Variants in PSAT1 observed in about 807,000 individuals in gnomAD.
PSAT1 encodes phosphoserine aminotransferase 1, also known as phosphoserine aminotransferase.
A neutral mutation model predicts 40.3 loss-of-function variants in PSAT1; 41 were observed. The observed-to-expected ratio is 1.02, with a 90% CI of 0.79 to 1.32. The LOEUF (loss-of-function observed/expected upper bound fraction) is 1.32. Among genes scored for constraint, PSAT1 ranks in the 40% most tolerant of loss-of-function variants. The pLI is 0.00. For missense variants in PSAT1, 406 were observed against 455.8 expected, an observed-to-expected ratio of 0.89 and a Z score of 0.99; for synonymous variants, 147 against 170.5, an observed-to-expected ratio of 0.86 and a Z score of 1.07.
chr9:78,302,733 CAAAAAAAAAAAA>C, intron 3 of PSAT1, among the ~76,000 whole-genome samples: 1 of 104,214 alleles, frequency 9.6e-6, no homozygotes, highest in East Asian at 2.8e-4. Context: ...GACTCCGTCT[CAAAAAAAAAAAA>C]AAAAAAAAAA....
chr9:78,306,915 G>C (rs911580218), intron 5 of PSAT1, among the ~76,000 whole-genome samples: 2 of 152,226 alleles, frequency 1.3e-5, no homozygotes, highest in African/African-American at 4.8e-5. Flanking sequence ...GCCAAGGCAG[G>C]GCAGTGGGAC....
In PSAT1 at chr9:78,300,890, T is replaced by A. The variant is rs189835772; in HGVS notation, c.121+228T>A. Among the ~76,000 whole-genome samples the A allele has an allele frequency of 4.6e-5, 7 of 152,012 alleles. No homozygotes were observed. In the East Asian group the frequency reaches 5.8e-4, roughly 13 times the overall value. Reference sequence around the variant, plus strand: ...ATCACCACACCTGGCTAATTTTTTTTAAATGTTTAAAACATTTTTTAAAGA... The same window carrying A: ...ATCACCACACCTGGCTAATTTTTTTAAAATGTTTAAAACATTTTTTAAAGA... On this transcript the variant is annotated intron_variant, in intron 2 of 8. Coordinates refer to ENST00000376588, the MANE Select transcript of PSAT1 (RefSeq NM_058179.4).
intron 6 of PSAT1, among the ~76,000 whole-genome samples, chr9:78,309,481 G>T (rs985339630): frequency 6.6e-6 from 1 of 152,198 alleles, no homozygotes; most frequent in African/African-American, 2.4e-5. Flanking sequence ...TCCTGCCTCA[G>T]CCTCCCGAGT....
At chr9:78,314,031 C>A (rs1828304797) in intron 6 of PSAT1, among the ~76,000 whole-genome samples, 1 of 152,186 alleles carries the variant, frequency 6.6e-6, no homozygotes, top group South Asian at 2.1e-4. Context: ...GAGTTAGGAA[C>A]CCTATCCTGT....
At chr9:78,305,433 A>G (rs1256548362) in intron 4 of PSAT1, among the ~76,000 whole-genome samples, 1 of 152,168 alleles carries the variant, frequency 6.6e-6, no homozygotes, top group Non-Finnish European at 1.5e-5. Flanking sequence ...CTCTTCTTGC[A>G]GAAGCTAGTC....
intron 3 of PSAT1, among the ~76,000 whole-genome samples, chr9:78,302,733 CAA>C (rs373285782): frequency 1.1e-4 from 11 of 104,218 alleles, no homozygotes; most frequent in African/African-American, 2.0e-4. Flanking sequence ...GACTCCGTCT[CAA>C]AAAAAAAAAA....
intron 3 of PSAT1, among the ~76,000 whole-genome samples, chr9:78,303,096 A>G (rs997906947): frequency 2.6e-5 from 4 of 152,206 alleles, no homozygotes; most frequent in African/African-American, 7.2e-5. Flanking sequence ...CTAAACTGAA[A>G]TTAACTTTAA....
At chr9:78,308,736 A>G (rs1257304130) in intron 6 of PSAT1, among the ~76,000 whole-genome samples, 153 bp downstream of exon 6, 3 of 152,182 alleles carry the variant, frequency 2.0e-5, no homozygotes, top group African/African-American at 7.2e-5. Flanking sequence ...TGGATGGACC[A>G]CTTGAGGTCA....
chr9:78,319,891 G>A (rs1381019609), intron 7 of PSAT1, among the ~76,000 whole-genome samples: 1 of 152,114 alleles, frequency 6.6e-6, no homozygotes, highest in Non-Finnish European at 1.5e-5. Context: ...GTCCGTGGAA[G>A]TGTGTGAGGG....
chr9:78,299,504 T>TA lies in PSAT1; in HGVS notation c.61-1096dup, dbSNP rs397767164. On this transcript the variant is annotated intron_variant, in intron 1 of 8. Coordinates refer to ENST00000376588, the MANE Select transcript of PSAT1 (RefSeq NM_058179.4). Reference sequence around the variant, plus strand: ...CCAGTCGTCAAGGCAGTCTTTTTTTTAATCTAATTCTTTTTTTTTTTTTTT... The same window carrying TA: ...CCAGTCGTCAAGGCAGTCTTTTTTTTAAATCTAATTCTTTTTTTTTTTTTTT... 5.0e-3 allele frequency among the ~76,000 whole-genome samples: 712 copies of TA among 143,056 alleles called. 7 individuals carry two copies. The highest frequency in any genetic ancestry group is 0.017 in the South Asian group (76 of 4,432). 93.9% of individuals were successfully genotyped at this position (143,056 alleles called of 152,430 possible).
intron 1 of PSAT1, among the ~76,000 whole-genome samples, chr9:78,298,567 A>G (rs908925155): frequency 6.6e-6 from 1 of 151,620 alleles, no homozygotes; most frequent in Non-Finnish European, 1.5e-5. Flanking sequence ...CTCCTCCTGC[A>G]CCCCCCATGT....
chr9:78,307,878 A>G (rs1027408731), intron 5 of PSAT1, among the ~76,000 whole-genome samples: 1 of 152,070 alleles, frequency 6.6e-6, no homozygotes, highest in East Asian at 1.9e-4. Context: ...CGTCTTTACT[A>G]AAAATACAAA....
At chr9:78,313,534 A>C (rs1828297065) in intron 6 of PSAT1, among the ~76,000 whole-genome samples, 1 of 152,242 alleles carries the variant, frequency 6.6e-6, no homozygotes, top group Non-Finnish European at 1.5e-5. Flanking sequence ...ATGCAAATGG[A>C]ACTTGAACTT....
At chr9:78,311,828 T>TCAAAACAAAAAC (rs201165450) in intron 6 of PSAT1, among the ~76,000 whole-genome samples, 6,786 of 151,046 alleles carry the variant, frequency 0.045, 317 homozygotes, top group African/African-American at 0.11. Context: ...TGAGACTGTC[T>TCAAAACAAAAAC]GAAAACAAAA....
intron 1 of PSAT1, among the ~76,000 whole-genome samples, chr9:78,298,726 GC>G (rs1335532662): frequency 1.3e-5 from 2 of 152,092 alleles, no homozygotes; most frequent in Non-Finnish European, 2.9e-5. Context: ...AACCTGGGGG[GC>G]AGGAGGGTGA....
At chr9:78,321,585 T>C (rs956553215) in intron 7 of PSAT1, among the ~76,000 whole-genome samples, 4 of 152,014 alleles carry the variant, frequency 2.6e-5, no homozygotes, top group African/African-American at 9.7e-5. Flanking sequence ...CTCCTTAACA[T>C]AGTTCCAGGT....
rs1316766861 is a variant in PSAT1 at position 78,329,310 on chromosome 9, T to C, written c.*224T>C. Reference sequence around the variant, plus strand: ...CTTGAACTGGAAGCATTTTAAGAAATCTTGTTGCTTTTCTAACAAATTCCC... The same window carrying C: ...CTTGAACTGGAAGCATTTTAAGAAACCTTGTTGCTTTTCTAACAAATTCCC... On this transcript the variant is annotated 3_prime_UTR_variant, in exon 9 of 9. Coordinates refer to ENST00000376588, the MANE Select transcript of PSAT1 (RefSeq NM_058179.4). 3.7e-6 allele frequency: 2 copies of C among 541,106 alleles called. No homozygotes were observed. The highest frequency in any genetic ancestry group is 4.3e-5 in the South Asian group (2 of 46,702). 33.5% of individuals were successfully genotyped at this position (541,106 alleles called of 1,614,324 possible). A position where few individuals can be genotyped will look rare whatever the true frequency, so the allele number is the denominator to read the frequency against.
intron 1 of PSAT1, among the ~76,000 whole-genome samples, chr9:78,298,991 T>A (rs945626830): frequency 1.3e-5 from 2 of 151,914 alleles, no homozygotes; most frequent in African/African-American, 4.8e-5. Context: ...AAATTAGTCG[T>A]GAGCTGGGTG....
rs12348970 is a variant in PSAT1, at chr9:78,323,427, A to T, written c.870-4624A>T. Among the ~76,000 whole-genome samples the T allele has an allele frequency of 1.6e-3, 244 of 151,990 alleles. 1 individual carries two copies. The highest frequency in any genetic ancestry group is 4.9e-3 in the African/African-American group (201 of 41,386). ...TCTCTACAAATAATAATAATAATAA[A>T]AAATTAGCCGGGTGTGGTGGTACAT... On this transcript the variant is annotated intron_variant, in intron 7 of 8. Transcript: ENST00000376588.
Sources: gnomAD v4.1 joint callset for allele counts (sites outside exome capture counted in the v4.1 genomes callset) on GRCh38, gnomAD v4.1.1 for gene constraint, MANE v1.5 for transcripts, NCBI Gene and HGNC (gene_info 2026-07-23, HGNC 2026-07-21) for gene names.